The following ARHGAP15 variants were observed in gnomAD, a reference collection of about 807,000 sequenced individuals.
The protein encoded by ARHGAP15 is rho GTPase-activating protein 15.
A neutral mutation model predicts 63.7 loss-of-function variants in ARHGAP15; 51 were observed. The ratio of observed to expected loss-of-function variants is 0.80; its 90% CI spans 0.64 to 1.01. The LOEUF is 1.01. Among genes scored for constraint, ARHGAP15 ranks in the 50% least tolerant of loss-of-function variants. ARHGAP15 has a pLI of 0.00. For synonymous variants in ARHGAP15, 191 were observed against 193.8 expected (o/e 0.99, Z 0.12); for missense variants, 560 against 564.6 (o/e 0.99, Z 0.08).
intron 5 of ARHGAP15, among the ~76,000 whole-genome samples, chr2:143,248,818 C>T (rs926837657): frequency 1.1e-4 from 16 of 152,210 alleles, no homozygotes; most frequent in East Asian, 1.9e-4. Context: ...ATACACTAAA[C>T]GAATTATCAA....
At chr2:143,218,959 A>G (rs1461123659) in intron 4 of ARHGAP15, among the ~76,000 whole-genome samples, 2 of 152,244 alleles carry the variant, frequency 1.3e-5, no homozygotes, top group Admixed American at 1.3e-4. Context: ...TTTCAGCTTC[A>G]TTACAGTCTC....
At chr2:143,275,228 T>C (rs936765456) in intron 6 of ARHGAP15, among the ~76,000 whole-genome samples, 5 of 152,154 alleles carry the variant, frequency 3.3e-5, no homozygotes, top group African/African-American at 9.6e-5. Flanking sequence ...CAGGAGGAGT[T>C]AGGAGAAATA....
intron 10 of ARHGAP15, among the ~76,000 whole-genome samples, chr2:143,528,609 C>T (rs749482782): frequency 2.0e-5 from 3 of 152,090 alleles, no homozygotes; most frequent in Non-Finnish European, 2.9e-5. Context: ...TCTGCTGTTG[C>T]TATCAAAAGC....
At chr2:143,194,367 G>C (rs1328416372) in intron 2 of ARHGAP15, among the ~76,000 whole-genome samples, 4 of 152,126 alleles carry the variant, frequency 2.6e-5, no homozygotes, top group Non-Finnish European at 4.4e-5. Context: ...ATATTATTGG[G>C]AGTGAAAGAG....
At chr2:143,273,376 C>A (rs1253087497) in intron 6 of ARHGAP15, among the ~76,000 whole-genome samples, 2 of 152,054 alleles carry the variant, frequency 1.3e-5, no homozygotes, top group Non-Finnish European at 2.9e-5. Context: ...TTATGATGGG[C>A]TGACTTCATG....
intron 2 of ARHGAP15, among the ~76,000 whole-genome samples, chr2:143,175,726 A>G (rs1294284973): frequency 1.3e-5 from 2 of 152,106 alleles, no homozygotes; most frequent in African/African-American, 2.4e-5. Context: ...GAACTTAGAA[A>G]TGGGTGCAAT....
chr2:143,262,097 C>T (rs574017822), intron 6 of ARHGAP15, among the ~76,000 whole-genome samples: 4 of 152,206 alleles, frequency 2.6e-5, no homozygotes, highest in East Asian at 1.9e-4. Context: ...AGATGTGTAA[C>T]GCGTGCTGAG....
intron 6 of ARHGAP15, chr2:143,295,782 T>G (rs1206599033): frequency 6.6e-6 from 1 of 152,062 alleles, no homozygotes; most frequent in Non-Finnish European, 1.5e-5. Context: ...TTTAATTCTA[T>G]GTAACCATCT....
chr2:143,280,012 A>C (rs2105079243), intron 6 of ARHGAP15, among the ~76,000 whole-genome samples: 1 of 152,310 alleles, frequency 6.6e-6, no homozygotes, highest in South Asian at 2.1e-4. Context: ...GACTTCCCCC[A>C]AACACTTTAG....
chr2:143,556,363 C>T (rs1695797901), intron 10 of ARHGAP15, 45 bp from the exon 11 acceptor site: 1 of 1,428,880 alleles, frequency 7.0e-7, no homozygotes, highest in Non-Finnish European at 9.6e-7. Context: ...TAAACCATCT[C>T]AATTCCTATA....
At chr2:143,470,470 CAA>C (rs201748182) in intron 8 of ARHGAP15, among the ~76,000 whole-genome samples, 68 of 150,846 alleles carry the variant, frequency 4.5e-4, no homozygotes, top group African/African-American at 1.4e-3. Context: ...ATGTTAGAAA[CAA>C]GAGATTAAGA....
chr2:143,308,550 G>C (rs1400112957), intron 6 of ARHGAP15, among the ~76,000 whole-genome samples: 1 of 151,748 alleles, frequency 6.6e-6, no homozygotes, highest in Non-Finnish European at 1.5e-5. Flanking sequence ...AAAGAGCTAT[G>C]GTAACTATTG....
chr2:143,421,050 G>T (rs145204296), intron 6 of ARHGAP15, among the ~76,000 whole-genome samples: 189 of 152,272 alleles, frequency 1.2e-3, no homozygotes, highest in African/African-American at 4.5e-3. Flanking sequence ...CTGATAGTTT[G>T]CCAGGCTTTT....
chr2:143,506,377 T>C (rs1693321490), intron 9 of ARHGAP15, among the ~76,000 whole-genome samples: 1 of 152,222 alleles, frequency 6.6e-6, no homozygotes, highest in Non-Finnish European at 1.5e-5. Flanking sequence ...AATTAATAAT[T>C]TCACAGTAGT....
At chr2:143,653,106 A>G (rs1413165946) in intron 12 of ARHGAP15, among the ~76,000 whole-genome samples, 2 of 152,194 alleles carry the variant, frequency 1.3e-5, no homozygotes, top group African/African-American at 4.8e-5. Context: ...GGATTTTCTC[A>G]GAAGTTTTTC....
intron 6 of ARHGAP15, among the ~76,000 whole-genome samples, chr2:143,335,278 C>T (rs1380292183): frequency 6.6e-6 from 1 of 152,216 alleles, no homozygotes; most frequent in African/African-American, 2.4e-5. Flanking sequence ...TTTCCTCCTT[C>T]AACTTTCTAA....
chr2:143,612,528 G>A (rs141712966), intron 11 of ARHGAP15, among the ~76,000 whole-genome samples: 101 of 152,236 alleles, frequency 6.6e-4, no homozygotes, highest in African/African-American at 2.3e-3. Context: ...TGTGGGAGAC[G>A]TTTCATCTGT....
chr2:143,652,245 T>A (rs1318979596), intron 12 of ARHGAP15, among the ~76,000 whole-genome samples: 1 of 152,054 alleles, frequency 6.6e-6, no homozygotes, highest in Non-Finnish European at 1.5e-5. Context: ...ATTTCAGGGC[T>A]TGTAGGCCAT....
chr2:143,578,978 C>G (rs1196391382), intron 11 of ARHGAP15, among the ~76,000 whole-genome samples: 1 of 152,014 alleles, frequency 6.6e-6, no homozygotes, highest in Non-Finnish European at 1.5e-5. Flanking sequence ...TTTTTTCCAG[C>G]TGAACAGAAA....
Sources: allele counts gnomAD v4.1 joint callset (sites outside exome capture counted in the v4.1 genomes callset), GRCh38; gene constraint gnomAD v4.1.1; transcripts MANE v1.5; gene names NCBI Gene and HGNC (gene_info 2026-07-23, HGNC 2026-07-21).